Variants in CSNK1D observed in about 807,000 individuals in gnomAD.
CSNK1D encodes casein kinase I isoform delta.
In CSNK1D, 16 loss-of-function variants were observed where a neutral mutation model predicts 46.6. The ratio of observed to expected loss-of-function variants is 0.34; its 90% CI spans 0.23 to 0.52. The LOEUF is 0.52. Ranked by LOEUF, CSNK1D falls within the 20% of genes least tolerant of loss-of-function variation. The pLI, the probability that CSNK1D is intolerant of heterozygous loss-of-function variation, is 0.95. For synonymous variants in CSNK1D, 276 were observed against 228.2 expected, an observed-to-expected ratio of 1.21 and a Z score of -1.89; for missense variants, 398 against 578.4, an observed-to-expected ratio of 0.69 and a Z score of 3.20.
rs2051012735 is a variant in CSNK1D at position 82,251,664 on chromosome 17, T to G, written c.737-137A>C. On this transcript the variant is annotated intron_variant, in intron 5 of 8. Transcript: ENST00000314028. The surrounding 1 kb of genome is among the most constrained non-coding windows in gnomAD (Gnocchi z 4.5). Reference sequence around the variant, plus strand: ...AGATGCAAAACACCTGTCAGATTTCTAAGACCTGAAGCCTTGAGAAAGCAT... The same window carrying G: ...AGATGCAAAACACCTGTCAGATTTCGAAGACCTGAAGCCTTGAGAAAGCAT... 3 of 919,746 alleles carry G rather than the reference T, an allele frequency of 3.3e-6. No individual in the cohort carries two copies. In the African/African-American group the frequency reaches 4.9e-5, roughly 15 times the overall value. The allele number at this position is 919,746 out of a possible 1,614,324, so 57.0% of individuals were successfully genotyped here. A position where few individuals can be genotyped will look rare whatever the true frequency, so the allele number is the denominator to read the frequency against.
downstream of CSNK1D, among the ~76,000 whole-genome samples, chr17:82,241,465 C>T (rs1009220445): frequency 3.3e-5 from 5 of 152,258 alleles, no homozygotes; most frequent in Non-Finnish European, 5.9e-5. Context: ...TAACTCTGTC[C>T]GCTCATGCCC....
rs1269974575 is a variant in CSNK1D, at chr17:82,249,647, G to C, written c.886-45C>G. 1.3e-6 allele frequency: 2 copies of C among 1,546,596 alleles called. No homozygotes were observed. The highest frequency in any genetic ancestry group is 8.7e-7 in the Non-Finnish European group (1 of 1,151,516). On this transcript the variant is annotated intron_variant, in intron 6 of 8. Coordinates refer to ENST00000314028, the MANE Select transcript of CSNK1D (RefSeq NM_001893.6). This position sits in a 1 kb window ranked among gnomAD's most constrained non-coding sequence, Gnocchi z 6.7. ...GGCCGGAATGGAACCAGCTTTGGCAGAAAGCAACCCTAGGTCCTAGGCTGC... is the reference window on the plus strand; with the variant it reads ...GGCCGGAATGGAACCAGCTTTGGCACAAAGCAACCCTAGGTCCTAGGCTGC...
chr17:82,256,953 A>G (rs766346356), intron 2 of CSNK1D, among the ~76,000 whole-genome samples: 6 of 152,182 alleles, frequency 3.9e-5, no homozygotes, highest in Non-Finnish European at 8.8e-5. Flanking sequence ...ATTCATTTAA[A>G]AAATTGTTTC....
At chr17:82,272,237 G>A (rs1044554032) in intron 1 of CSNK1D, 1 of 152,818 alleles carries the variant, frequency 6.5e-6, no homozygotes, top group South Asian at 2.0e-4. Context: ...CCAGCTTTTC[G>A]GGAGGCTGAG....
intron 8 of CSNK1D, chr17:82,247,525 C>T (rs977928495): frequency 1.0e-6 from 1 of 985,488 alleles, no homozygotes; most frequent in Non-Finnish European, 1.2e-6. Context: ...CCGGTCAGCA[C>T]CCAGCATGGG....
chr17:82,272,563 G>A (rs930430405), intron 1 of CSNK1D, among the ~76,000 whole-genome samples: 1 of 152,158 alleles, frequency 6.6e-6, no homozygotes, highest in Non-Finnish European at 1.5e-5. Context: ...AATCCTGTGT[G>A]ACTTTCTCTA....
chr17:82,240,017 C>G (rs2050719755), downstream of CSNK1D: 1 of 1,233,656 alleles, frequency 8.1e-7, no homozygotes, highest in Non-Finnish European at 1.0e-6. Flanking sequence ...CAGCGGGTGC[C>G]CTGGCGGGCC....
chr17:82,250,993 G>A lies in CSNK1D; in HGVS notation c.885+386C>T, dbSNP rs1466507122. ...GGCTAGACGGGTAGCACCTCACCAG[G>A]CCCCAACCCCACTCATCTCGTGGGC... On this transcript the variant is annotated intron_variant, in intron 6 of 8. Coordinates refer to ENST00000314028, the MANE Select transcript of CSNK1D (RefSeq NM_001893.6). The surrounding 1 kb of genome is among the most constrained non-coding windows in gnomAD (Gnocchi z 4.6). 6.0e-6 allele frequency: 2 copies of A among 332,476 alleles called. No individual in the cohort carries two copies. The highest frequency in any genetic ancestry group is 1.2e-5 in the Non-Finnish European group (2 of 171,544). 20.6% of individuals were successfully genotyped at this position (332,476 alleles called of 1,614,324 possible).
chr17:82,240,240 C>T (rs1359990122), downstream of CSNK1D, among the ~76,000 whole-genome samples: 1 of 152,216 alleles, frequency 6.6e-6, no homozygotes, highest in African/African-American at 2.4e-5. Flanking sequence ...TTGCAGGGAT[C>T]AAGGTCAGAC....
In CSNK1D at chr17:82,248,600, A is replaced by C. The variant is rs1179308669; in HGVS notation, c.1197+275T>G. The C allele has an allele frequency of 7.7e-7, 1 of 1,303,656 alleles. No homozygotes were observed. The highest frequency in any genetic ancestry group is 3.5e-5 in the East Asian group (1 of 28,436). 80.8% of individuals were successfully genotyped at this position (1,303,656 alleles called of 1,614,324 possible). A position where few individuals can be genotyped will look rare whatever the true frequency, so the allele number is the denominator to read the frequency against. On this transcript the variant is annotated intron_variant, in intron 8 of 8. Coordinates refer to ENST00000314028, the MANE Select transcript of CSNK1D (RefSeq NM_001893.6). The surrounding 1 kb of genome is among the most constrained non-coding windows in gnomAD (Gnocchi z 4.1). ...GCGGGCAGCGGGGCACTCAAACAGCAGGAGAAAGCCCCCACGGTTTGCTGG... is the reference window on the plus strand; with the variant it reads ...GCGGGCAGCGGGGCACTCAAACAGCCGGAGAAAGCCCCCACGGTTTGCTGG...
chr17:82,242,217 G>T (rs182689513), downstream of CSNK1D, among the ~76,000 whole-genome samples: 55 of 151,594 alleles, frequency 3.6e-4, no homozygotes, highest in Middle Eastern at 3.5e-3. Flanking sequence ...TGCTCTGGGG[G>T]GGGGGGGAAG....
rs1258084966 is a variant in CSNK1D at position 82,244,181 on chromosome 17, C to A, written c.*600G>T. ...GACTTTTGATGAGAAATCTCCTCTC[C>A]AAAGCGGACAATAAAACACTGCAAA... On this transcript the variant is annotated 3_prime_UTR_variant, in exon 9 of 9. Coordinates refer to ENST00000314028, the MANE Select transcript of CSNK1D (RefSeq NM_001893.6). 9.9e-7 allele frequency: 1 copy of A among 1,012,918 alleles called. No individual in the cohort carries two copies. The highest frequency in any genetic ancestry group is 1.7e-5 in the African/African-American group (1 of 57,962). The allele number at this position is 1,012,918 out of a possible 1,614,324, so 62.7% of individuals were successfully genotyped here. A position where few individuals can be genotyped will look rare whatever the true frequency, so the allele number is the denominator to read the frequency against.
At position 82,249,171 on chromosome 17, in the gene CSNK1D, G is replaced by T; in HGVS notation, c.1058-157C>A. On this transcript the variant is annotated intron_variant, in intron 7 of 8. Transcript: ENST00000314028. The surrounding 1 kb of genome is among the most constrained non-coding windows in gnomAD (Gnocchi z 6.7). Reference sequence around the variant, plus strand: ...CCACCAACACTCAGATCCGGCCGGAGGGACACAAAGGGACATGGGAGCGAG... The same window carrying T: ...CCACCAACACTCAGATCCGGCCGGATGGACACAAAGGGACATGGGAGCGAG... 4.3e-6 allele frequency: 4 copies of T among 925,716 alleles called. No individual in the cohort carries two copies. The highest frequency in any genetic ancestry group is 6.4e-6 in the Non-Finnish European group (4 of 624,880). 57.3% of individuals were successfully genotyped at this position (925,716 alleles called of 1,614,324 possible).
chr17:82,249,761 G>A lies in CSNK1D; in HGVS notation c.886-159C>T. ...ACAGGCTGCACGTTTCTCCTCATGG[G>A]ATGACAGCATCATCCCCACAAGGGG... On this transcript the variant is annotated intron_variant, in intron 6 of 8. Coordinates refer to ENST00000314028, the MANE Select transcript of CSNK1D (RefSeq NM_001893.6). The surrounding 1 kb of genome is among the most constrained non-coding windows in gnomAD (Gnocchi z 6.7). The A allele has an allele frequency of 6.8e-7, 1 of 1,480,718 alleles. No individual in the cohort carries two copies. The allele number at this position is 1,480,718 out of a possible 1,614,324, so 91.7% of individuals were successfully genotyped here.
At position 82,243,826 on chromosome 17, in the gene CSNK1D, C is replaced by T. The variant is rs1470677595; in HGVS notation, c.*955G>A. 1 of 985,414 alleles carries T rather than the reference C, an allele frequency of 1.0e-6. No homozygotes were observed. 61.0% of individuals were successfully genotyped at this position (985,414 alleles called of 1,614,324 possible). A position where few individuals can be genotyped will look rare whatever the true frequency, so the allele number is the denominator to read the frequency against. Reference sequence around the variant, plus strand: ...AGCAAGGCAACAAACACTACAGTAACCACCTCTCGGTTCACAGTCCTCTCC... The same window carrying T: ...AGCAAGGCAACAAACACTACAGTAATCACCTCTCGGTTCACAGTCCTCTCC... On this transcript the variant is annotated 3_prime_UTR_variant, in exon 9 of 9. Coordinates refer to ENST00000314028, the MANE Select transcript of CSNK1D (RefSeq NM_001893.6).
chr17:82,254,891 G>T (rs1441399726), intron 3 of CSNK1D, among the ~76,000 whole-genome samples: 1 of 130,918 alleles, frequency 7.6e-6, no homozygotes, highest in Non-Finnish European at 1.6e-5. Flanking sequence ...CGAGAAGCCA[G>T]TCAGCTGAGC....
Position 82,255,174 on chromosome 17 carries a change from A to T in CSNK1D, c.336+255T>A. ...GAGCTGGGCCGCCGGAGCCTCGAGA[A>T]GCCAGTGAGCTGGGCCGCCGGAGCC... On this transcript the variant is annotated intron_variant, in intron 3 of 8. Coordinates refer to ENST00000314028, the MANE Select transcript of CSNK1D (RefSeq NM_001893.6). This position sits in a 1 kb window ranked among gnomAD's most constrained non-coding sequence, Gnocchi z 5.9. The T allele has an allele frequency of 7.9e-6, 4 of 508,982 alleles. No homozygotes were observed. In the South Asian group the frequency reaches 8.0e-5, roughly 10 times the overall value. The allele number at this position is 508,982 out of a possible 1,614,324, so 31.5% of individuals were successfully genotyped here. A position where few individuals can be genotyped will look rare whatever the true frequency, so the allele number is the denominator to read the frequency against.
At chr17:82,257,528 A>T (rs1258741729) in intron 2 of CSNK1D, among the ~76,000 whole-genome samples, 2 of 152,254 alleles carry the variant, frequency 1.3e-5, no homozygotes, top group Admixed American at 6.5e-5. Context: ...ACTAAGGGAA[A>T]GAACAAAACA....
At chr17:82,247,116 G>A (rs2050870669) in intron 8 of CSNK1D, 1 of 985,470 alleles carries the variant, frequency 1.0e-6, no homozygotes, top group Non-Finnish European at 1.2e-6. Flanking sequence ...AGGAGCAGAG[G>A]CCAAGAGGCT....
Sources: allele counts gnomAD v4.1 joint callset (sites outside exome capture counted in the v4.1 genomes callset), GRCh38; gene constraint gnomAD v4.1.1; non-coding constraint Gnocchi (gnomAD v3.1); transcripts MANE v1.5; gene names NCBI Gene and HGNC (gene_info 2026-07-23, HGNC 2026-07-21).